Variants in GRK3 observed in about 807,000 individuals in gnomAD.
The protein encoded by GRK3 is G protein-coupled receptor kinase 3, also known as adrenergic, beta, receptor kinase 2.
A neutral mutation model predicts 95.7 loss-of-function variants in GRK3; 54 were observed. That is an observed-to-expected ratio of 0.56 (90% CI 0.45 to 0.71). The LOEUF (loss-of-function observed/expected upper bound fraction) is 0.71. Among genes scored for constraint, GRK3 ranks in the 30% least tolerant of loss-of-function variants. GRK3 has a pLI of 0.00. For missense variants in GRK3, 649 were observed against 851.2 expected, an observed-to-expected ratio of 0.76 and a Z score of 2.96; for synonymous variants, 281 against 290.8, an observed-to-expected ratio of 0.97 and a Z score of 0.34.
intron 1 of GRK3, among the ~76,000 whole-genome samples, chr22:25,582,009 G>A (rs1031745607): frequency 9.2e-5 from 14 of 152,134 alleles, no homozygotes; most frequent in African/African-American, 3.4e-4. Context: ...ATGGCTGGGC[G>A]CGGTGGCCTG....
intron 3 of GRK3, chr22:25,647,424 C>A: frequency 7.6e-7 from 1 of 1,317,366 alleles, no homozygotes; most frequent in Non-Finnish European, 1.1e-6. Flanking sequence ...TTTCAGCCGT[C>A]TTTCCATTCC....
intron 2 of GRK3, among the ~76,000 whole-genome samples, chr22:25,610,560 C>A (rs192145638): frequency 1.3e-5 from 2 of 152,092 alleles, no homozygotes; most frequent in African/African-American, 4.8e-5. Flanking sequence ...ACAGTTGTGC[C>A]CCCGTCACCA....
intron 3 of GRK3, among the ~76,000 whole-genome samples, chr22:25,658,079 G>A (rs1041291301): frequency 3.3e-5 from 5 of 151,894 alleles, no homozygotes; most frequent in Non-Finnish European, 7.4e-5. Context: ...TTCGTTACAT[G>A]AATATTTTCT....
chr22:25,679,359 C>T (rs2085057150), intron 9 of GRK3, among the ~76,000 whole-genome samples: 1 of 152,206 alleles, frequency 6.6e-6, no homozygotes, highest in South Asian at 2.1e-4. Flanking sequence ...TGTCCCTAGT[C>T]AGCGTTTCAC....
At chr22:25,651,088 A>C (rs920283507) in intron 3 of GRK3, among the ~76,000 whole-genome samples, 1 of 152,212 alleles carries the variant, frequency 6.6e-6, no homozygotes, top group African/African-American at 2.4e-5. Context: ...CCTAAACTTA[A>C]CAGTTTTTAC....
chr22:25,710,073 C>T, intron 16 of GRK3, 109 bp downstream of exon 16: 1 of 827,550 alleles, frequency 1.2e-6, no homozygotes, highest in Admixed American at 1.8e-5. Context: ...GGCTTCCTGG[C>T]TGTGTCTCCC....
At chr22:25,679,704 G>C (rs181256348) in intron 9 of GRK3, among the ~76,000 whole-genome samples, 2 of 152,242 alleles carry the variant, frequency 1.3e-5, no homozygotes, top group African/African-American at 4.8e-5. Context: ...CTGTGACCTG[G>C]TGTTCAGAGT....
chr22:25,627,138 C>A (rs569569876), intron 2 of GRK3, among the ~76,000 whole-genome samples: 64 of 152,212 alleles, frequency 4.2e-4, no homozygotes, highest in Middle Eastern at 3.4e-3. Context: ...TCAGGGACTC[C>A]CATGTTGGGG....
At chr22:25,608,096 C>T (rs368719092) in intron 2 of GRK3, among the ~76,000 whole-genome samples, 43 of 152,276 alleles carry the variant, frequency 2.8e-4, no homozygotes, top group African/African-American at 9.4e-4. Flanking sequence ...GTCAGTTTCT[C>T]ATTGACAATC....
chr22:25,610,741 G>A (rs1239313595), intron 2 of GRK3, among the ~76,000 whole-genome samples: 1 of 152,160 alleles, frequency 6.6e-6, no homozygotes, highest in African/African-American at 2.4e-5. Flanking sequence ...GTAGTCTCTT[G>A]CATCTGGCTT....
intron 1 of GRK3, among the ~76,000 whole-genome samples, chr22:25,598,057 G>A (rs2084384010): frequency 1.3e-5 from 2 of 152,122 alleles, no homozygotes; most frequent in Non-Finnish European, 2.9e-5. Context: ...TAATGTAAAA[G>A]CCATCGAATG....
chr22:25,678,714 A>G, intron 8 of GRK3, 102 bp from the exon 9 acceptor site: 2 of 579,704 alleles, frequency 3.5e-6, no homozygotes, highest in Non-Finnish European at 5.9e-6. Flanking sequence ...TCTTTTAAAC[A>G]TGGCCTAAAT....
Position 25,609,078 on chromosome 22 carries a change from A to T in GRK3, c.190+4625A>T, listed in dbSNP as rs1195261603. Among the ~76,000 whole-genome samples, 6 of 152,342 alleles carry T rather than the reference A, an allele frequency of 3.9e-5. No individual in the cohort carries two copies. The South Asian group carries it at 1.2e-3, about 32-fold the overall frequency. ...AAAACTTACACATTTAGACATTGAC[A>T]CAGTATGTTTGGTTTTAAGGGGATA... On this transcript the variant is annotated intron_variant, in intron 2 of 20. Coordinates refer to ENST00000324198, the MANE Select transcript of GRK3 (RefSeq NM_005160.4).
At position 25,631,326 on chromosome 22, in the gene GRK3, T is replaced by G. The variant is rs138814728; in HGVS notation, c.191-13266T>G. Among the ~76,000 whole-genome samples, 284 of 152,350 alleles carry G rather than the reference T, an allele frequency of 1.9e-3. 3 individuals carry two copies. Among genetic ancestry groups the G allele is most frequent in the African/African-American group, 6.4e-3 (268 of 41,582 alleles). On this transcript the variant is annotated intron_variant, in intron 2 of 20. Coordinates refer to ENST00000324198, the MANE Select transcript of GRK3 (RefSeq NM_005160.4). ...ACCAAGAACCTTTCTAATGACTTATTTTAGTCCACACTTATGTGTGTGAAT... is the reference window on the plus strand; with the variant it reads ...ACCAAGAACCTTTCTAATGACTTATGTTAGTCCACACTTATGTGTGTGAAT...
chr22:25,607,824 G>T (rs546341030), intron 2 of GRK3, among the ~76,000 whole-genome samples: 1 of 150,572 alleles, frequency 6.6e-6, no homozygotes, highest in African/African-American at 2.4e-5. Flanking sequence ...CAAGTGATCT[G>T]CCCACCTCAG....
At chr22:25,570,428 A>C (rs1931654485) in intron 1 of GRK3, among the ~76,000 whole-genome samples, 1 of 152,208 alleles carries the variant, frequency 6.6e-6, no homozygotes, top group South Asian at 2.1e-4. Flanking sequence ...CCCTCCCTTG[A>C]AATTTTCATT....
chr22:25,567,509 C>G (rs1403805712), intron 1 of GRK3, among the ~76,000 whole-genome samples: 1 of 152,102 alleles, frequency 6.6e-6, no homozygotes, highest in East Asian at 1.9e-4. Context: ...TTAAAATGCC[C>G]CAGCCTAATG....
chr22:25,678,421 T>C (rs1348500321), intron 8 of GRK3, among the ~76,000 whole-genome samples: 1 of 152,082 alleles, frequency 6.6e-6, no homozygotes, highest in African/African-American at 2.4e-5. Flanking sequence ...GCCACTGCAC[T>C]CCAGCCTGGG....
At chr22:25,651,858 A>G (rs561634777) in intron 3 of GRK3, among the ~76,000 whole-genome samples, 38 of 152,342 alleles carry the variant, frequency 2.5e-4, no homozygotes, top group African/African-American at 8.7e-4. Flanking sequence ...AGTTTTTCCA[A>G]CAGCTTTTCG....
Sources: gnomAD v4.1 joint callset for allele counts (sites outside exome capture counted in the v4.1 genomes callset) on GRCh38, gnomAD v4.1.1 for gene constraint, MANE v1.5 for transcripts, NCBI Gene and HGNC (gene_info 2026-07-23, HGNC 2026-07-21) for gene names.